ADAMTS17: variants seen among roughly 807,000 people sequenced by gnomAD.
ADAMTS17 encodes ADAM metallopeptidase with thrombospondin type 1 motif 17, also known as A disintegrin and metalloproteinase with thrombospondin motifs 17.
A neutral mutation model predicts 141.5 loss-of-function variants in ADAMTS17; 113 were observed. That is an observed-to-expected ratio of 0.80 (90% CI 0.69 to 0.93). The LOEUF (loss-of-function observed/expected upper bound fraction) is 0.93, where lower values mean the gene tolerates loss of function less well. Among genes scored for constraint, ADAMTS17 ranks in the 40% least tolerant of loss-of-function variants. The probability of loss-of-function intolerance (pLI) is 0.00; values close to 1 mark genes in which losing one functional copy is unlikely to be tolerated. For synonymous variants in ADAMTS17, 768 were observed against 630.6 expected, an observed-to-expected ratio of 1.22 and a Z score of -3.27; for missense variants, 1,659 against 1,517.9, an observed-to-expected ratio of 1.09 and a Z score of -1.54.
intron 15 of ADAMTS17, among the ~76,000 whole-genome samples, chr15:100,066,555 T>G (rs1193962261): frequency 1.4e-4 from 20 of 147,456 alleles, no homozygotes; most frequent in Admixed American, 1.3e-3. Context: ...TGTTGTAAAC[T>G]CTCTGGCTTT....
At chr15:100,075,417 T>C (rs905075041) in intron 15 of ADAMTS17, among the ~76,000 whole-genome samples, 2 of 152,220 alleles carry the variant, frequency 1.3e-5, no homozygotes, top group African/African-American at 4.8e-5. Context: ...AAAATAACTG[T>C]TCATTGTCCT....
intron 15 of ADAMTS17, among the ~76,000 whole-genome samples, chr15:100,078,134 G>C (rs1261731196): frequency 6.6e-6 from 1 of 151,440 alleles, no homozygotes; most frequent in Non-Finnish European, 1.5e-5. Context: ...TATATTCTTG[G>C]ATCAGATGAC....
At chr15:100,242,265 A>G (rs1480079539) in intron 7 of ADAMTS17, among the ~76,000 whole-genome samples, 1 of 152,212 alleles carries the variant, frequency 6.6e-6, no homozygotes, top group Non-Finnish European at 1.5e-5. Flanking sequence ...GCGGCCGAGC[A>G]GTCACTGGGA....
At chr15:100,069,462 T>C (rs1037745361) in intron 15 of ADAMTS17, among the ~76,000 whole-genome samples, 7 of 152,034 alleles carry the variant, frequency 4.6e-5, no homozygotes, top group African/African-American at 1.7e-4. Flanking sequence ...AAAGTTGAAA[T>C]CAAGGAAAAA....
At chr15:100,253,996 C>A in intron 7 of ADAMTS17, 140 bp downstream of exon 7, 1 of 812,540 alleles carries the variant, frequency 1.2e-6, no homozygotes, top group South Asian at 1.5e-5. Context: ...AAAGGAAAGT[C>A]AAAGACCAAC....
chr15:100,247,281 T>C (rs896397888), intron 7 of ADAMTS17, among the ~76,000 whole-genome samples: 5 of 152,096 alleles, frequency 3.3e-5, no homozygotes, highest in African/African-American at 7.2e-5. Context: ...AACAAACAGA[T>C]AGGAGAGCCC....
chr15:100,246,978 G>C (rs1295135161), intron 7 of ADAMTS17, among the ~76,000 whole-genome samples: 1 of 152,024 alleles, frequency 6.6e-6, no homozygotes, highest in Non-Finnish European at 1.5e-5. Context: ...CCATCTCCCA[G>C]GTTCAAGCGA....
chr15:100,271,553 CCT>C (rs2043912182), intron 4 of ADAMTS17, among the ~76,000 whole-genome samples: 1 of 53,074 alleles, frequency 1.9e-5, no homozygotes, highest in African/African-American at 7.3e-5. Flanking sequence ...AAAATGTCTA[CCT>C]AAGTCCTTTC....
chr15:100,328,909 C>T (rs2045968587), intron 3 of ADAMTS17, among the ~76,000 whole-genome samples: 1 of 152,164 alleles, frequency 6.6e-6, no homozygotes, highest in Admixed American at 6.5e-5. Context: ...TGTTTCGTTG[C>T]ATGGCCCTGC....
intron 4 of ADAMTS17, among the ~76,000 whole-genome samples, chr15:100,272,935 G>A (rs552250110): frequency 2.0e-4 from 31 of 151,868 alleles, no homozygotes; most frequent in Non-Finnish European, 4.1e-4. Flanking sequence ...TTCTTTTCCT[G>A]TATAAATTGG....
At chr15:100,118,478 G>A (rs753261670) in intron 12 of ADAMTS17, among the ~76,000 whole-genome samples, 1 of 152,224 alleles carries the variant, frequency 6.6e-6, no homozygotes, top group South Asian at 2.1e-4. Context: ...GGGGCCTTGA[G>A]CTCTGCTGGT....
rs376216968 is a variant in ADAMTS17, at chr15:100,214,068, T to C, written c.1076-14645A>G. ...GGGTTGTTTTTGTTTTTTGTTTGTTTGTTTTGCCAAAAAAGCCTGGATAGA... is the reference window on the plus strand; with the variant it reads ...GGGTTGTTTTTGTTTTTTGTTTGTTCGTTTTGCCAAAAAAGCCTGGATAGA... On this transcript the variant is annotated intron_variant, in intron 7 of 21. Transcript: ENST00000268070. Among the ~76,000 whole-genome samples, 26 of 152,330 alleles carry C rather than the reference T, an allele frequency of 1.7e-4. 1 individual carries two copies. Among genetic ancestry groups the C allele is most frequent in the East Asian group, 1.2e-3 (6 of 5,188 alleles).
rs186389503 is a variant in ADAMTS17, at chr15:100,190,843, G to A, written c.1181+8475C>T. On this transcript the variant is annotated intron_variant, in intron 8 of 21. Coordinates refer to ENST00000268070, the MANE Select transcript of ADAMTS17 (RefSeq NM_139057.4). The stretch of plus-strand genomic sequence containing the variant: ...AAGGTGAAGTGAGTCCAGTTACCAA[G>A]AGAGCCACCTGGACAGGGCTCAGCG... Among the ~76,000 whole-genome samples the A allele has an allele frequency of 5.1e-3, 773 of 152,330 alleles. 14 individuals are homozygous for A. Among genetic ancestry groups the A allele is most frequent in the African/African-American group, 0.018 (751 of 41,570 alleles).
intron 15 of ADAMTS17, among the ~76,000 whole-genome samples, chr15:100,068,567 G>A (rs957422916): frequency 7.9e-5 from 12 of 152,210 alleles, no homozygotes; most frequent in African/African-American, 2.2e-4. Context: ...CCAGAGGAAC[G>A]ATCAGGCAGC....
chr15:100,055,900 G>A (rs2032526138), intron 15 of ADAMTS17, among the ~76,000 whole-genome samples: 1 of 152,144 alleles, frequency 6.6e-6, no homozygotes, highest in Admixed American at 6.5e-5. Context: ...GAAGTACCTT[G>A]CCCAAAATCA....
intron 3 of ADAMTS17, among the ~76,000 whole-genome samples, chr15:100,311,822 GA>G (rs2045414953): frequency 6.8e-6 from 1 of 146,984 alleles, no homozygotes; most frequent in Admixed American, 6.7e-5. Context: ...ACAGATAAGT[GA>G]AAAAGGAAAA....
At chr15:100,200,996 G>T in intron 7 of ADAMTS17, among the ~76,000 whole-genome samples, 1 of 152,350 alleles carries the variant, frequency 6.6e-6, no homozygotes. Context: ...AGGAGGGAAG[G>T]AGTTGGCAGA....
chr15:100,339,889 A>G (rs1325306384), intron 2 of ADAMTS17, among the ~76,000 whole-genome samples: 2 of 151,998 alleles, frequency 1.3e-5, no homozygotes, highest in South Asian at 2.1e-4. Context: ...GAGGTCTCAC[A>G]TAAGACCTTG....
At chr15:100,334,928 G>A (rs1177473500) in intron 2 of ADAMTS17, among the ~76,000 whole-genome samples, 4 of 152,074 alleles carry the variant, frequency 2.6e-5, no homozygotes, top group East Asian at 3.9e-4. Flanking sequence ...TGCCATGGTC[G>A]GAGGCTTGAG....
Sources: allele counts gnomAD v4.1 joint callset (sites outside exome capture counted in the v4.1 genomes callset), GRCh38; gene constraint gnomAD v4.1.1; transcripts MANE v1.5; gene names NCBI Gene and HGNC (gene_info 2026-07-23, HGNC 2026-07-21).